Variants in RAB3C observed in about 807,000 individuals in gnomAD.
RAB3C encodes ras-related protein Rab-3C.
Under a neutral mutation model 26.4 loss-of-function variants are expected in RAB3C, and 17 were observed. That is an observed-to-expected ratio of 0.64 (90% CI 0.44 to 0.97). The LOEUF (loss-of-function observed/expected upper bound fraction) is 0.97. Ranked by LOEUF, RAB3C falls within the 50% of genes least tolerant of loss-of-function variation. RAB3C has a pLI of 0.00. For synonymous variants in RAB3C, 91 were observed against 95.9 expected (o/e 0.95, Z 0.30); for missense variants, 242 against 281.9 (o/e 0.86, Z 1.01).
intron 3 of RAB3C, among the ~76,000 whole-genome samples, chr5:58,753,595 C>T (rs1217625683): frequency 6.6e-6 from 1 of 152,064 alleles, no homozygotes; most frequent in Admixed American, 6.6e-5. Flanking sequence ...GGAGGAGAGG[C>T]CAACTGGAAA....
intron 2 of RAB3C, among the ~76,000 whole-genome samples, chr5:58,680,179 A>T (rs1415041218): frequency 6.6e-6 from 1 of 151,976 alleles, no homozygotes; most frequent in African/African-American, 2.4e-5. Flanking sequence ...TTTCCCTTTT[A>T]AAAAAAATGA....
chr5:58,786,113 C>T (rs1400065581), intron 3 of RAB3C, among the ~76,000 whole-genome samples: 1 of 152,234 alleles, frequency 6.6e-6, no homozygotes, highest in Non-Finnish European at 1.5e-5. Flanking sequence ...TGCAACATTT[C>T]AAGGTCTTTA....
At chr5:58,797,399 A>C (rs1376737755) in intron 3 of RAB3C, among the ~76,000 whole-genome samples, 1 of 139,218 alleles carries the variant, frequency 7.2e-6, no homozygotes, top group African/African-American at 2.7e-5. Context: ...ATATATATAC[A>C]CAGAGAGAGA....
intron 3 of RAB3C, among the ~76,000 whole-genome samples, chr5:58,816,520 T>TGCAGATACTGACAGTTGGAA (rs1398900263): frequency 6.6e-6 from 1 of 152,168 alleles, no homozygotes; most frequent in Non-Finnish European, 1.5e-5. Flanking sequence ...AGCAAAGAGA[T>TGCAGATACTGACAGTTGGAA]GCAGATACTG....
At chr5:58,722,869 T>C (rs1022091824) in intron 2 of RAB3C, among the ~76,000 whole-genome samples, 2 of 151,900 alleles carry the variant, frequency 1.3e-5, no homozygotes, top group Non-Finnish European at 2.9e-5. Context: ...AAAATATTTA[T>C]AAAATAGTAA....
intron 3 of RAB3C, among the ~76,000 whole-genome samples, chr5:58,805,603 A>AAAGAG (rs10691454): frequency 2.8e-4 from 37 of 132,998 alleles, no homozygotes; most frequent in Non-Finnish European, 3.0e-4. Context: ...AAAAAAAAAA[A>AAAGAG]AGAGAGAGAG....
chr5:58,776,360 C>T (rs1742141123), intron 3 of RAB3C, among the ~76,000 whole-genome samples: 1 of 152,050 alleles, frequency 6.6e-6, no homozygotes, highest in African/African-American at 2.4e-5. Flanking sequence ...ATTGGTGTTT[C>T]CCCCAGAGTT....
At chr5:58,663,993 T>A (rs1380672142) in intron 2 of RAB3C, among the ~76,000 whole-genome samples, 1 of 152,168 alleles carries the variant, frequency 6.6e-6, no homozygotes. Flanking sequence ...GATGAATGCA[T>A]GACATTTCAT....
chr5:58,743,103 G>A (rs1741311188), intron 3 of RAB3C, among the ~76,000 whole-genome samples: 1 of 152,068 alleles, frequency 6.6e-6, no homozygotes, highest in Admixed American at 6.6e-5. Context: ...CCCAAATACT[G>A]TGCAACCTTG....
At chr5:58,745,427 G>C (rs1579894976) in intron 3 of RAB3C, among the ~76,000 whole-genome samples, 1 of 128,154 alleles carries the variant, frequency 7.8e-6, no homozygotes, top group Non-Finnish European at 1.6e-5. Flanking sequence ...AAAGAAAGTA[G>C]ATGGGGTATA....
chr5:58,709,133 C>CAGAG (rs1749008734), intron 2 of RAB3C, among the ~76,000 whole-genome samples: 1 of 152,186 alleles, frequency 6.6e-6, no homozygotes, highest in African/African-American at 2.4e-5. Flanking sequence ...TCTGCCTTAG[C>CAGAG]AGAGAAATTA....
intron 2 of RAB3C, among the ~76,000 whole-genome samples, chr5:58,707,864 T>C (rs567855507): frequency 9.9e-4 from 151 of 152,292 alleles, no homozygotes; most frequent in South Asian, 2.9e-3. Context: ...CCCAGCCAGC[T>C]CTGTGCTTTA....
intron 3 of RAB3C, among the ~76,000 whole-genome samples, chr5:58,799,393 T>G (rs1229924525): frequency 1.3e-5 from 2 of 152,066 alleles, no homozygotes; most frequent in Non-Finnish European, 2.9e-5. Context: ...AGGGTAGTAT[T>G]ATTGGTCCTA....
At chr5:58,618,928 C>T (rs1012574092) in intron 2 of RAB3C, among the ~76,000 whole-genome samples, 1 of 152,070 alleles carries the variant, frequency 6.6e-6, no homozygotes, top group African/African-American at 2.4e-5. Context: ...CAATAACCCT[C>T]CCTTCATAAA....
chr5:58,712,742 C>A (rs1477789578), intron 2 of RAB3C, among the ~76,000 whole-genome samples: 1 of 152,224 alleles, frequency 6.6e-6, no homozygotes, highest in Non-Finnish European at 1.5e-5. Flanking sequence ...CTAGGCTGAT[C>A]TCGAACTTCT....
At chr5:58,817,254 C>G (rs1400197324) in intron 3 of RAB3C, among the ~76,000 whole-genome samples, 1 of 152,114 alleles carries the variant, frequency 6.6e-6, no homozygotes, top group Non-Finnish European at 1.5e-5. Context: ...TAGCTTTTCA[C>G]TATTGTTAGA....
At chr5:58,849,965 T>C (rs1288849530) in intron 4 of RAB3C, among the ~76,000 whole-genome samples, 2 of 152,228 alleles carry the variant, frequency 1.3e-5, no homozygotes, top group Non-Finnish European at 2.9e-5. Flanking sequence ...TCCTCTGAGA[T>C]AGGGCCAGAT....
intron 3 of RAB3C, among the ~76,000 whole-genome samples, chr5:58,782,666 T>TA (rs1463311865): frequency 2.0e-5 from 3 of 152,156 alleles, no homozygotes; most frequent in Non-Finnish European, 4.4e-5. Context: ...ATAATAGTGT[T>TA]AAAACTTTGC....
intron 3 of RAB3C, chr5:58,741,466 C>T (rs1347562698): frequency 6.6e-6 from 1 of 152,114 alleles, no homozygotes; most frequent in Admixed American, 6.5e-5. Context: ...TTAGCATAAA[C>T]CATCAAATAT....
Sources: allele counts gnomAD v4.1 joint callset (sites outside exome capture counted in the v4.1 genomes callset), GRCh38; gene constraint gnomAD v4.1.1; transcripts MANE v1.5; gene names NCBI Gene and HGNC (gene_info 2026-07-23, HGNC 2026-07-21).